NPHP4: variants seen among roughly 807,000 people sequenced by gnomAD.
NPHP4 encodes nephrocystin-4.
In NPHP4, 151 loss-of-function variants were observed where a neutral mutation model predicts 155.8. That is an observed-to-expected ratio of 0.97 (90% CI 0.85 to 1.11). NPHP4 has a LOEUF of 1.11. Ranked by LOEUF, NPHP4 falls within the 50% of genes least tolerant of loss-of-function variation. The probability of loss-of-function intolerance (pLI) is 0.00; values close to 1 mark genes in which losing one functional copy is unlikely to be tolerated. For missense variants in NPHP4, 1,956 were observed against 1,925.7 expected (o/e 1.02, Z -0.29); for synonymous variants, 845 against 816.8 (o/e 1.03, Z -0.59).
rs145031748 is a variant in NPHP4, at chr1:5,916,269, G to A, written c.1442-7056C>T. Among the ~76,000 whole-genome samples the A allele has an allele frequency of 9.9e-5, 15 of 152,248 alleles. No individual in the cohort carries two copies. In the East Asian group the frequency reaches 1.7e-3, roughly 18 times the overall value. ...AAAATAAAAAGGATTATTCATAACCGAGAGCCAAAGTACCTCACTTAAAGT... is the reference window on the plus strand; with the variant it reads ...AAAATAAAAAGGATTATTCATAACCAAGAGCCAAAGTACCTCACTTAAAGT... On this transcript the variant is annotated intron_variant, in intron 11 of 29. Transcript: ENST00000378156.
At chr1:5,985,031 G>A (rs976125620) in intron 2 of NPHP4, among the ~76,000 whole-genome samples, 2 of 152,226 alleles carry the variant, frequency 1.3e-5, no homozygotes, top group South Asian at 2.1e-4. Context: ...TGAAGTGCTA[G>A]AAGTAAAGCT....
chr1:5,880,046 C>A, intron 19 of NPHP4, 68 bp downstream of exon 19: 2 of 1,570,602 alleles, frequency 1.3e-6, no homozygotes, highest in Non-Finnish European at 1.7e-6. Context: ...CACACACACA[C>A]GCAGTCTTCC....
rs114284642 is a variant in NPHP4, at chr1:5,980,094, T to C, written c.136-1681A>G. On this transcript the variant is annotated intron_variant, in intron 2 of 29. Coordinates refer to ENST00000378156, the MANE Select transcript of NPHP4 (RefSeq NM_015102.5). Reference sequence around the variant, plus strand: ...CTCAGAGACCACGACATGACTCTCCTTGGCCAACGCAAGCCCGTCCAGCTG... The same window carrying C: ...CTCAGAGACCACGACATGACTCTCCCTGGCCAACGCAAGCCCGTCCAGCTG... Among the ~76,000 whole-genome samples, 402 of 152,208 alleles carry C rather than the reference T, an allele frequency of 2.6e-3. 2 individuals carry two copies. Among genetic ancestry groups the C allele is most frequent in the African/African-American group, 9.0e-3 (375 of 41,528 alleles).
intron 11 of NPHP4, among the ~76,000 whole-genome samples, chr1:5,919,744 T>C (rs530169572): frequency 1.3e-5 from 2 of 152,000 alleles, no homozygotes; most frequent in South Asian, 4.2e-4. Context: ...GGGTTTTTTT[T>C]GTTTTTTTTT....
chr1:5,943,186 T>C (rs1185554836), intron 9 of NPHP4, among the ~76,000 whole-genome samples: 1 of 152,136 alleles, frequency 6.6e-6, no homozygotes, highest in Non-Finnish European at 1.5e-5. Context: ...CAAACATAAA[T>C]TACAGGAAAA....
intron 7 of NPHP4, among the ~76,000 whole-genome samples, chr1:5,949,264 T>C (rs1031278880): frequency 2.6e-5 from 4 of 151,940 alleles, no homozygotes; most frequent in Non-Finnish European, 2.9e-5. Context: ...CTGCTTTGTG[T>C]TTACATAAGA....
At chr1:5,963,181 G>A (rs1052768026) in intron 5 of NPHP4, among the ~76,000 whole-genome samples, 3 of 152,264 alleles carry the variant, frequency 2.0e-5, no homozygotes, top group African/African-American at 7.2e-5. Flanking sequence ...GATCACCTGA[G>A]GCCAGGAGTT....
rs61762099 is a variant in NPHP4 at position 5,892,597 on chromosome 1, G to A, written c.2144-1569C>T. Among the ~76,000 whole-genome samples, 17,579 of 152,076 alleles carry A rather than the reference G, an allele frequency of 0.12. 1,303 individuals are homozygous for A. Among genetic ancestry groups the A allele is most frequent in the Non-Finnish European group, 0.16 (10,971 of 67,938 alleles). Reference sequence around the variant, plus strand: ...GTGACAGAATGGGGGCCGGTCCAGCGGGGCACTGGAAGGAGCTCCCCAGGA... The same window carrying A: ...GTGACAGAATGGGGGCCGGTCCAGCAGGGCACTGGAAGGAGCTCCCCAGGA... On this transcript the variant is annotated intron_variant, in intron 16 of 29. Coordinates refer to ENST00000378156, the MANE Select transcript of NPHP4 (RefSeq NM_015102.5). The surrounding 1 kb of genome is among the most constrained non-coding windows in gnomAD (Gnocchi z 4.5).
intron 3 of NPHP4, among the ~76,000 whole-genome samples, chr1:5,974,105 G>A (rs1653077167): frequency 6.6e-6 from 1 of 152,238 alleles, no homozygotes; most frequent in African/African-American, 2.4e-5. Context: ...GATACTCCTT[G>A]ACAGCATCCA....
intron 16 of NPHP4, among the ~76,000 whole-genome samples, chr1:5,903,154 G>A (rs566292428): frequency 6.6e-6 from 1 of 152,230 alleles, no homozygotes; most frequent in South Asian, 2.1e-4. Context: ...ACTTGTTTCT[G>A]TTTGATCAAT....
chr1:5,930,474 T>A (rs1646218766), intron 10 of NPHP4, among the ~76,000 whole-genome samples: 1 of 152,236 alleles, frequency 6.6e-6, no homozygotes, highest in Non-Finnish European at 1.5e-5. Flanking sequence ...TTTGACATGT[T>A]GTATTTCCAT....
chr1:5,925,234 CTTTTT>C (rs952847973), intron 11 of NPHP4, among the ~76,000 whole-genome samples: 18 of 152,154 alleles, frequency 1.2e-4, no homozygotes, highest in African/African-American at 4.3e-4. Context: ...CGTACAGACT[CTTTTT>C]TTCTTGTCAT....
At chr1:5,964,917 T>TATATATATATATATA (rs1553194702) in intron 5 of NPHP4, among the ~76,000 whole-genome samples, 1 of 82,638 alleles carries the variant, frequency 1.2e-5, no homozygotes, top group African/African-American at 5.6e-5. Context: ...TACATATATA[T>TATATATATATATATA]TATATATATA....
At chr1:5,888,330 C>T (rs980099790) in intron 17 of NPHP4, 15 of 1,058,314 alleles carry the variant, frequency 1.4e-5, no homozygotes, top group East Asian at 1.0e-4. Context: ...ACTCTTCCCC[C>T]GTGCCCTCTC....
intron 1 of NPHP4, chr1:5,991,706 C>T (rs546585156): frequency 1.2e-3 from 186 of 152,390 alleles, no homozygotes; most frequent in African/African-American, 4.2e-3. Context: ...GGTACAAAGC[C>T]TCGCAGGGAC....
Position 5,964,941 on chromosome 1 carries a change from A to ATATTTTTTTTTTTTTTTTTTTTTT in NPHP4, c.517+2357_517+2358insAAAAAAAAAAAAAAAAAAAAAATA. ...ATTATATATATATATATATATATAT[A>ATATTTTTTTTTTTTTTTTTTTTTT]TTTTTTTTTTTTGAGGCAGGGTCTC... On this transcript the variant is annotated intron_variant, in intron 5 of 29. Transcript: ENST00000378156. Among the ~76,000 whole-genome samples the ATATTTTTTTTTTTTTTTTTTTTTT allele has an allele frequency of 5.0e-5, 3 of 59,428 alleles. 1 individual carries two copies. Among genetic ancestry groups the ATATTTTTTTTTTTTTTTTTTTTTT allele is most frequent in the East Asian group, 3.8e-4 (1 of 2,598 alleles). The allele number at this position is 59,428 out of a possible 152,430, so 39.0% of individuals were successfully genotyped here.
chr1:5,933,178 T>C lies in NPHP4; in HGVS notation c.1271A>G (p.Lys424Arg), dbSNP rs537585040. ...QPNPSHCLVY[K>R]VPSASMSSEE... ...AGAGCTCATGCTGGCTGAGGGTACC[T>C]TGTAGACCAGACAGTGCGAGGGGTT... The change falls in exon 10 of 30, where the codon AAG becomes AGG. Residue 424 changes from lysine to arginine, a missense_variant. Coordinates refer to ENST00000378156, the MANE Select transcript of NPHP4 (RefSeq NM_015102.5). 30 of 1,610,150 alleles carry C rather than the reference T, an allele frequency of 1.9e-5. No homozygotes were observed. Among genetic ancestry groups the C allele is most frequent in the Non-Finnish European group, 2.5e-5 (29 of 1,177,194 alleles).
At chr1:5,976,922 C>T (rs965895833) in intron 3 of NPHP4, among the ~76,000 whole-genome samples, 2 of 152,116 alleles carry the variant, frequency 1.3e-5, no homozygotes, top group Non-Finnish European at 2.9e-5. Flanking sequence ...GCAGTGGTTA[C>T]CTAGAGTAAC....
intron 6 of NPHP4, among the ~76,000 whole-genome samples, chr1:5,954,137 A>C (rs1057084503): frequency 1.5e-4 from 23 of 152,226 alleles, no homozygotes; most frequent in African/African-American, 5.3e-4. Flanking sequence ...CTATTCAGTG[A>C]AAATAATCAA....
Sources: gnomAD v4.1 joint callset for allele counts (sites outside exome capture counted in the v4.1 genomes callset) on GRCh38, gnomAD v4.1.1 for gene constraint, Gnocchi (gnomAD v3.1) non-coding constraint, MANE v1.5 for transcripts, NCBI Gene and HGNC (gene_info 2026-07-23, HGNC 2026-07-21) for gene names.